The following PARVB variants were observed in gnomAD, a reference collection of about 807,000 sequenced individuals.
The protein encoded by PARVB is parvin beta.
In PARVB, 46 loss-of-function variants were observed where a neutral mutation model predicts 47.0. The observed-to-expected ratio is 0.98, with a 90% CI of 0.77 to 1.25. The LOEUF (loss-of-function observed/expected upper bound fraction) is 1.25, where lower values mean the gene tolerates loss of function less well. Among genes scored for constraint, PARVB ranks in the 50% most tolerant of loss-of-function variants. The probability of loss-of-function intolerance (pLI) is 0.00; values close to 1 mark genes in which losing one functional copy is unlikely to be tolerated. For synonymous variants in PARVB, 196 were observed against 196.3 expected, an observed-to-expected ratio of 1.00 and a Z score of 0.01; for missense variants, 473 against 471.6, an observed-to-expected ratio of 1.00 and a Z score of -0.03.
intron 4 of PARVB, among the ~76,000 whole-genome samples, chr22:44,126,160 G>T (rs534278001): frequency 9.2e-5 from 14 of 152,262 alleles, no homozygotes; most frequent in African/African-American, 2.9e-4. Flanking sequence ...CTGATGTTTA[G>T]CACCGTGGGA....
At position 44,100,136 on chromosome 22, in the gene PARVB, G is replaced by A. The variant is rs201095451; in HGVS notation, c.273+13G>A. On this transcript the variant is annotated intron_variant, in intron 3 of 12. Coordinates refer to ENST00000338758, the MANE Select transcript of PARVB (RefSeq NM_013327.5). ...GGAACTGGTCAAGGTAAGGAGCTCC[G>A]TCTTGGTTGGAATCTTCCTCTTAGG... 48 of 1,606,988 alleles carry A rather than the reference G, an allele frequency of 3.0e-5. No homozygotes were observed. Among genetic ancestry groups the A allele is most frequent in the Middle Eastern group, 1.7e-4 (1 of 6,046 alleles).
At chr22:44,067,284 T>C (rs2051556535) in intron 1 of PARVB, among the ~76,000 whole-genome samples, 1 of 152,242 alleles carries the variant, frequency 6.6e-6, no homozygotes, top group African/African-American at 2.4e-5. Context: ...TTGCATTACA[T>C]TGAAGTGGTC....
chr22:44,024,881 G>A (rs1291081383), intron 1 of PARVB, among the ~76,000 whole-genome samples: 1 of 152,238 alleles, frequency 6.6e-6, no homozygotes. Flanking sequence ...GTGTTGCGCG[G>A]GCGCCCTGCA....
At position 44,096,625 on chromosome 22, in the gene PARVB, C is replaced by G. The variant is rs540847111; in HGVS notation, c.202+2608C>G. On this transcript the variant is annotated intron_variant, in intron 2 of 12. Transcript: ENST00000338758. Reference sequence around the variant, plus strand: ...CAGATGGGGAAGCTGAGGCACAGATCTAAGATCACAGAGATCACTAGTAAG... The same window carrying G: ...CAGATGGGGAAGCTGAGGCACAGATGTAAGATCACAGAGATCACTAGTAAG... Among the ~76,000 whole-genome samples, 103 of 152,274 alleles carry G rather than the reference C, an allele frequency of 6.8e-4. 1 individual carries two copies. The highest frequency in any genetic ancestry group is 3.8e-4 in the Non-Finnish European group (26 of 68,026).
intron 11 of PARVB, among the ~76,000 whole-genome samples, chr22:44,160,850 C>T (rs1049268546): frequency 1.3e-5 from 2 of 152,176 alleles, no homozygotes; most frequent in Non-Finnish European, 2.9e-5. Flanking sequence ...CACCTCGTCA[C>T]CCGATCACAC....
At chr22:44,038,507 G>A (rs925808071) in intron 1 of PARVB, among the ~76,000 whole-genome samples, 1 of 152,108 alleles carries the variant, frequency 6.6e-6, no homozygotes, top group African/African-American at 2.4e-5. Flanking sequence ...GGGGCCGGGC[G>A]TGGTGGCTCA....
At chr22:44,126,219 T>C (rs2053183133) in intron 4 of PARVB, among the ~76,000 whole-genome samples, 1 of 152,200 alleles carries the variant, frequency 6.6e-6, no homozygotes. Flanking sequence ...TTTGGCTGAA[T>C]GCCGAATGCC....
intron 3 of PARVB, chr22:44,110,563 GT>G (rs1312210007): frequency 2.0e-5 from 3 of 151,998 alleles, no homozygotes; most frequent in Non-Finnish European, 2.9e-5. Context: ...CAATCCAGGA[GT>G]CCTTTGAATT....
At chr22:44,043,983 G>A (rs944155148) in intron 1 of PARVB, among the ~76,000 whole-genome samples, 46 of 152,146 alleles carry the variant, frequency 3.0e-4, no homozygotes, top group African/African-American at 1.1e-3. Flanking sequence ...GCTTGGTGCT[G>A]TACGCAGATT....
At position 44,160,296 on chromosome 22, in the gene PARVB, G is replaced by A. The variant is rs547948848; in HGVS notation, c.945+2213G>A. Among the ~76,000 whole-genome samples, 34 of 152,332 alleles carry A rather than the reference G, an allele frequency of 2.2e-4. No homozygotes were observed. In the South Asian group the frequency reaches 5.6e-3, roughly 25 times the overall value. Reference sequence around the variant, plus strand: ...AGTTGCTTCCCCCTCAGCATTACTGGATGAGGACAGGGAATCTCAGGAAGG... The same window carrying A: ...AGTTGCTTCCCCCTCAGCATTACTGAATGAGGACAGGGAATCTCAGGAAGG... On this transcript the variant is annotated intron_variant, in intron 11 of 12. Coordinates refer to ENST00000338758, the MANE Select transcript of PARVB (RefSeq NM_013327.5).
intron 1 of PARVB, among the ~76,000 whole-genome samples, chr22:44,079,245 G>A (rs760329524): frequency 6.6e-6 from 1 of 152,204 alleles, no homozygotes; most frequent in Admixed American, 6.5e-5. Flanking sequence ...GATATTCACC[G>A]TTTTTAGTGA....
At chr22:44,164,409 T>TACC (rs71313385) in intron 12 of PARVB, among the ~76,000 whole-genome samples, 1 of 142,220 alleles carries the variant, frequency 7.0e-6, no homozygotes, top group South Asian at 2.2e-4. Flanking sequence ...TGCTTCCCTG[T>TACC]CCCCCCCCCG....
At chr22:44,082,017 G>A (rs1366423534) in intron 1 of PARVB, among the ~76,000 whole-genome samples, 1 of 152,212 alleles carries the variant, frequency 6.6e-6, no homozygotes, top group African/African-American at 2.4e-5. Context: ...ACTTGCTAAG[G>A]AATTAGGATG....
At chr22:44,075,030 C>A (rs536279050) in intron 1 of PARVB, among the ~76,000 whole-genome samples, 43 of 152,268 alleles carry the variant, frequency 2.8e-4, no homozygotes, top group African/African-American at 1.0e-3. Flanking sequence ...GCATCCCTGG[C>A]CTCTACACAC....
chr22:44,133,313 A>G (rs2053370822), intron 6 of PARVB, among the ~76,000 whole-genome samples: 1 of 152,180 alleles, frequency 6.6e-6, no homozygotes. Context: ...ATCCCCTTGA[A>G]TGTGCTTATT....
At chr22:44,134,959 A>C (rs2053410662) in intron 6 of PARVB, among the ~76,000 whole-genome samples, 1 of 152,232 alleles carries the variant, frequency 6.6e-6, no homozygotes, top group Non-Finnish European at 1.5e-5. Flanking sequence ...TGACTAGGTG[A>C]ACACAATGTC....
chr22:44,135,457 C>T (rs36062246), intron 6 of PARVB, among the ~76,000 whole-genome samples: 30,609 of 152,086 alleles, frequency 0.2, 3,531 homozygotes, highest in Admixed American at 0.26. Flanking sequence ...CCGGGTTTCA[C>T]CATGTTGGCC....
intron 1 of PARVB, among the ~76,000 whole-genome samples, chr22:44,067,761 C>T (rs555233840): frequency 6.6e-6 from 1 of 152,330 alleles, no homozygotes; most frequent in South Asian, 2.1e-4. Context: ...CACATCAGTG[C>T]TGGGGACCTG....
rs2052120483 is a variant in PARVB at position 44,089,779 on chromosome 22, AAGG to A, written c.113-4148_113-4146del. Among the ~76,000 whole-genome samples, 1 of 152,188 alleles carries A rather than the reference AAGG, an allele frequency of 6.6e-6. No individual in the cohort carries two copies. Among genetic ancestry groups the A allele is most frequent in the African/African-American group, 2.4e-5 (1 of 41,448 alleles). ...GGCTGCAAAATATAGCAAGGCCCAG[AAGG>A]GCATCCCTCAAACCTTCATGGGGTT... On this transcript the variant is annotated intron_variant, in intron 1 of 12. Transcript: ENST00000338758. The surrounding 1 kb of genome is among the most constrained non-coding windows in gnomAD (Gnocchi z 4.0).
Sources: gnomAD v4.1 joint callset for allele counts (sites outside exome capture counted in the v4.1 genomes callset) on GRCh38, gnomAD v4.1.1 for gene constraint, Gnocchi (gnomAD v3.1) non-coding constraint, MANE v1.5 for transcripts, NCBI Gene and HGNC (gene_info 2026-07-23, HGNC 2026-07-21) for gene names.